SPDYE10: variants seen among roughly 807,000 people sequenced by gnomAD.
SPDYE10 encodes the protein speedy/RINGO cell cycle regulator family member E10.
the SPDYE10 span, among the ~76,000 whole-genome samples, chr7:73,130,107 G>A: frequency 0.032 from 4,639 of 143,952 alleles, no homozygotes; most frequent in African/African-American, 0.13. Flanking sequence ...GCCTCCCAAA[G>A]TGTTGGGATT....
At chr7:73,113,820 G>C in the SPDYE10 span, among the ~76,000 whole-genome samples, 1 of 151,994 alleles carries the variant, frequency 6.6e-6, no homozygotes, top group Non-Finnish European at 1.5e-5. Context: ...TGGATCACGA[G>C]ATCAGGAGAT....
At chr7:73,113,763 C>T in the SPDYE10 span, among the ~76,000 whole-genome samples, 1 of 152,112 alleles carries the variant, frequency 6.6e-6, no homozygotes, top group East Asian at 1.9e-4. Context: ...GGGCCAGGTG[C>T]CATGGCTCAT....
chr7:73,116,899 T>G, the SPDYE10 span, among the ~76,000 whole-genome samples: 1 of 147,808 alleles, frequency 6.8e-6, no homozygotes, highest in African/African-American at 2.6e-5. Context: ...ACAGATTTGT[T>G]TTTTTTTTTT....
At chr7:73,132,426 A>G in the SPDYE10 span, among the ~76,000 whole-genome samples, 1 of 152,276 alleles carries the variant, frequency 6.6e-6, no homozygotes, top group East Asian at 1.9e-4. Context: ...ATGTGCCTGT[A>G]GTCCCAGCTA....
the SPDYE10 span, among the ~76,000 whole-genome samples, chr7:73,152,203 C>T: frequency 7.9e-4 from 108 of 136,552 alleles, no homozygotes; most frequent in Admixed American, 8.6e-4. Context: ...TCAGTGGAGA[C>T]GGGGTTTCAC....
At chr7:73,126,811 T>TGCAA in the SPDYE10 span, among the ~76,000 whole-genome samples, 1 of 150,832 alleles carries the variant, frequency 6.6e-6, no homozygotes, top group Non-Finnish European at 1.5e-5. Flanking sequence ...ACTACAAGCC[T>TGCAA]GCAAGCAGGC....
the SPDYE10 span, among the ~76,000 whole-genome samples, chr7:73,123,818 T>TCTCTCTCTCTCTCTCTCC: frequency 6.6e-6 from 1 of 151,446 alleles, no homozygotes; most frequent in Non-Finnish European, 1.5e-5. Context: ...TCTCTCTCTC[T>TCTCTCTCTCTCTCTCTCC]CTCTCTCTCT....
the SPDYE10 span, among the ~76,000 whole-genome samples, chr7:73,113,709 C>T: frequency 6.6e-6 from 1 of 152,058 alleles, no homozygotes; most frequent in South Asian, 2.1e-4. Flanking sequence ...GCCTGGCCAA[C>T]ATGGTGAAAC....
chr7:73,114,224 G>A, the SPDYE10 span, among the ~76,000 whole-genome samples: 6,495 of 133,908 alleles, frequency 0.049, 41 homozygotes, highest in African/African-American at 0.14. Context: ...AGAATATGCC[G>A]CAGTGCATTT....
chr7:73,125,342 C>CA, the SPDYE10 span, among the ~76,000 whole-genome samples: 2 of 148,062 alleles, frequency 1.4e-5, no homozygotes, highest in Non-Finnish European at 1.5e-5. Context: ...CCAATGTATC[C>CA]AGTCTTCTCT....
the SPDYE10 span, among the ~76,000 whole-genome samples, chr7:73,143,289 C>T: frequency 3.0e-3 from 448 of 151,842 alleles, no homozygotes; most frequent in Non-Finnish European, 4.4e-3. Context: ...GTATTTGGCT[C>T]GTGGTTCTGC....
the SPDYE10 span, among the ~76,000 whole-genome samples, chr7:73,131,839 G>A: frequency 0.083 from 10,658 of 128,026 alleles, 10 homozygotes; most frequent in Middle Eastern, 0.13. Flanking sequence ...CTAGCCTTAC[G>A]CTTTGTGTTT....
At chr7:73,149,864 T>C in the SPDYE10 span, among the ~76,000 whole-genome samples, 4 of 100,396 alleles carry the variant, frequency 4.0e-5, no homozygotes, top group African/African-American at 1.8e-4. Context: ...CAAGTCCCAA[T>C]GCACAGGACT....
chr7:73,125,202 G>A, the SPDYE10 span, among the ~76,000 whole-genome samples: 8 of 147,108 alleles, frequency 5.4e-5, no homozygotes, highest in East Asian at 1.9e-4. Context: ...CTCCATCCAC[G>A]CTGCTGCCTC....
the SPDYE10 span, among the ~76,000 whole-genome samples, chr7:73,123,084 G>A: frequency 1.3e-5 from 2 of 151,654 alleles, no homozygotes; most frequent in African/African-American, 2.4e-5. Flanking sequence ...CTCTGCTATC[G>A]GGCAGATGGC....
chr7:73,152,162 A>C, the SPDYE10 span, among the ~76,000 whole-genome samples: 1 of 135,644 alleles, frequency 7.4e-6, no homozygotes, highest in Non-Finnish European at 1.6e-5. Context: ...TTACAGATGC[A>C]CACCACCATG....
At chr7:73,114,938 G>A in the SPDYE10 span, among the ~76,000 whole-genome samples, 34 of 139,688 alleles carry the variant, frequency 2.4e-4, no homozygotes, top group Middle Eastern at 4.8e-3. Flanking sequence ...ACGGAGTCTC[G>A]CTCTGTCATC....
the SPDYE10 span, among the ~76,000 whole-genome samples, chr7:73,142,680 T>C: frequency 5.3e-5 from 8 of 152,046 alleles, no homozygotes; most frequent in Non-Finnish European, 1.0e-4. Context: ...CTGATGCCTG[T>C]AATCCCAGCA....
chr7:73,137,642 G>A, the SPDYE10 span, among the ~76,000 whole-genome samples: 5 of 94,298 alleles, frequency 5.3e-5, no homozygotes, highest in East Asian at 2.8e-4. Flanking sequence ...AAGAAAGAAA[G>A]GAGAAAGAAA....
Sources: allele counts gnomAD v4.1 joint callset (sites outside exome capture counted in the v4.1 genomes callset), GRCh38; gene constraint gnomAD v4.1.1; transcripts MANE v1.5; gene names NCBI Gene and HGNC (gene_info 2026-07-23, HGNC 2026-07-21).